The following RELN variants were observed in gnomAD, a reference collection of about 807,000 sequenced individuals.
RELN encodes the protein reelin.
A neutral mutation model predicts 427.6 loss-of-function variants in RELN; 108 were observed. The observed-to-expected ratio is 0.25, with a 90% confidence interval of 0.22 to 0.30. The LOEUF (loss-of-function observed/expected upper bound fraction) is 0.30, where lower values mean the gene tolerates loss of function less well. RELN is among the 10% of genes least tolerant of loss of function. RELN has a pLI of 1.00. For synonymous variants in RELN, 1,524 were observed against 1,513.4 expected (o/e 1.01, Z -0.16); for missense variants, 3,715 against 4,302.8 (o/e 0.86, Z 3.82).
intron 1 of RELN, among the ~76,000 whole-genome samples, chr7:103,985,448 G>A (rs1044013184): frequency 2.6e-5 from 4 of 152,094 alleles, no homozygotes; most frequent in Non-Finnish European, 4.4e-5. Flanking sequence ...TTTACTTAAC[G>A]CTTGTCTTTC....
chr7:103,593,976 C>A, intron 26 of RELN, 94 bp from the exon 27 acceptor site: 1 of 951,700 alleles, frequency 1.1e-6, no homozygotes, highest in Non-Finnish European at 1.6e-6. Flanking sequence ...GGCCATGTAC[C>A]ATTTGCATTT....
chr7:103,661,815 C>T (rs569636210), intron 11 of RELN, among the ~76,000 whole-genome samples: 1 of 152,196 alleles, frequency 6.6e-6, no homozygotes, highest in Non-Finnish European at 1.5e-5. Context: ...ATGCTCCAGA[C>T]TGAGATACTT....
In RELN at chr7:103,472,255, G is replaced by A. The variant is rs1206651324; in HGVS notation, c.*557C>T. 2.5e-5 allele frequency: 4 copies of A among 160,672 alleles called. No homozygotes were observed. Among genetic ancestry groups the A allele is most frequent in the African/African-American group, 9.6e-5 (4 of 41,470 alleles). The allele number at this position is 160,672 out of a possible 1,614,324, so 10.0% of individuals were successfully genotyped here. On this transcript the variant is annotated 3_prime_UTR_variant, in exon 65 of 65. Coordinates refer to ENST00000428762, the MANE Select transcript of RELN (RefSeq NM_005045.4). ...TCTTTACAACTATCTTCTTGAATAGGTATTTCAATTAATTTTCTGCAGAAT... is the reference window on the plus strand; with the variant it reads ...TCTTTACAACTATCTTCTTGAATAGATATTTCAATTAATTTTCTGCAGAAT...
At position 103,553,736 on chromosome 7, in the gene RELN, G is replaced by T. The variant is rs370624724; in HGVS notation, c.5893C>A (p.Pro1965Thr). Residue 1965 changes from proline (P) to threonine (T), a missense_variant, in exon 39 of 65, where the codon CCC (proline) becomes ACC (threonine). Transcript: ENST00000428762. ...TAGAAAAACCAATTGTCTTCTCTGG[G>T]CCCAAAATCAAATGTATCCAAGAGC... ...VMLLDTFDFGPREDNWFFYPG... is the reference protein window; with the variant it reads ...VMLLDTFDFGTREDNWFFYPG... The T allele has an allele frequency of 3.7e-5, 60 of 1,613,940 alleles. No individual in the cohort carries two copies. In the African/African-American group the frequency reaches 6.5e-4, roughly 18 times the overall value.
rs116085505 is a variant in RELN at position 103,586,830 on chromosome 7, T to C, written c.4145+2766A>G. Among the ~76,000 whole-genome samples, 698 of 152,226 alleles carry C rather than the reference T, an allele frequency of 4.6e-3. 4 individuals carry two copies. The highest frequency in any genetic ancestry group is 0.016 in the African/African-American group (664 of 41,526). On this transcript the variant is annotated intron_variant, in intron 28 of 64. Transcript: ENST00000428762. ...CTAGGAATACATTTAACCAAGGAGA[T>C]GGATCATCTCTACAAGGAAAACTAG... is the stretch of plus-strand genomic sequence containing the variant.
At chr7:103,576,828 G>T (rs1042803538) in intron 28 of RELN, among the ~76,000 whole-genome samples, 1 of 152,194 alleles carries the variant, frequency 6.6e-6, no homozygotes, top group African/African-American at 2.4e-5. Flanking sequence ...CTAGTGGGCT[G>T]GGCTACTGCC....
At chr7:103,728,281 G>A (rs1179130104) in intron 6 of RELN, 74 bp from the exon 7 acceptor site, 6 of 1,332,872 alleles carry the variant, frequency 4.5e-6, no homozygotes, top group South Asian at 1.2e-5. Context: ...GGTAAGAAAC[G>A]ATATAATATT....
At chr7:103,735,388 A>G (rs117660949) in intron 6 of RELN, among the ~76,000 whole-genome samples, 154 of 152,226 alleles carry the variant, frequency 1.0e-3, no homozygotes, top group Non-Finnish European at 2.0e-3. Flanking sequence ...ATTATTAGGC[A>G]TGAAAATATG....
At chr7:103,616,346 T>C (rs559560423) in intron 20 of RELN, among the ~76,000 whole-genome samples, 1 of 152,168 alleles carries the variant, frequency 6.6e-6, no homozygotes, top group South Asian at 2.1e-4. Context: ...GATATCATTC[T>C]TTTATTGGTT....
rs1828669957 is a variant in RELN, at chr7:103,491,846, TCTCTCTCTCTCACACACACACACACACA to T, written c.9443+79_9443+106del. On this transcript the variant is annotated intron_variant, in intron 58 of 64. Transcript: ENST00000428762. ...CTGTCTCTCTCTCTCTCTCTCTCTCTCTCTCTCTCTCACACACACACACACACACACACACACACACACACACACAACG... is the reference window on the plus strand; with the variant it reads ...CTGTCTCTCTCTCTCTCTCTCTCTCTCACACACACACACACACACACAACG... The T allele has an allele frequency of 5.6e-5, 34 of 609,894 alleles. No individual in the cohort carries two copies. The African/African-American group carries it at 6.6e-4, about 12-fold the overall frequency. The allele number at this position is 609,894 out of a possible 1,614,324, so 37.8% of individuals were successfully genotyped here.
intron 2 of RELN, among the ~76,000 whole-genome samples, chr7:103,897,496 T>C (rs978383402): frequency 6.6e-6 from 1 of 152,068 alleles, no homozygotes; most frequent in Non-Finnish European, 1.5e-5. Context: ...TTTGAACCTG[T>C]TATTCTCCTA....
In RELN at chr7:103,573,762, GA is replaced by G. The variant is rs1359703704; in HGVS notation, c.4511+329del. ...ATTTCAGACATAGAATGTAAGGTTG[GA>G]AAAATCTTTGTTTCACACGGCACAT... On this transcript the variant is annotated intron_variant, in intron 30 of 64. Transcript: ENST00000428762. This position sits in a 1 kb window ranked among gnomAD's most constrained non-coding sequence, Gnocchi z 4.4. Among the ~76,000 whole-genome samples, 2 of 152,114 alleles carry G rather than the reference GA, an allele frequency of 1.3e-5. No homozygotes were observed. The highest frequency in any genetic ancestry group is 2.9e-5 in the Non-Finnish European group (2 of 68,012).
intron 3 of RELN, among the ~76,000 whole-genome samples, chr7:103,778,352 G>A (rs537428439): frequency 7.9e-5 from 12 of 152,210 alleles, no homozygotes; most frequent in African/African-American, 2.6e-4. Flanking sequence ...CATTTGCTTT[G>A]GAAGGGACAC....
chr7:103,772,212 A>G (rs1791585872), intron 4 of RELN, among the ~76,000 whole-genome samples: 1 of 152,236 alleles, frequency 6.6e-6, no homozygotes, highest in Non-Finnish European at 1.5e-5. Flanking sequence ...TAGAGATTCC[A>G]TAGTAAAAAG....
intron 1 of RELN, among the ~76,000 whole-genome samples, chr7:103,939,054 C>G (rs1055915749): frequency 6.6e-6 from 1 of 151,744 alleles, no homozygotes; most frequent in African/African-American, 2.4e-5. Context: ...TCAAGTGATT[C>G]TCATGCCTCA....
chr7:103,789,085 G>A (rs1468381340), intron 3 of RELN, among the ~76,000 whole-genome samples: 1 of 152,090 alleles, frequency 6.6e-6, no homozygotes, highest in Admixed American at 6.6e-5. Context: ...AACGAGCAAT[G>A]GGGAAAGGAT....
chr7:103,916,209 T>C (rs1440746537), intron 2 of RELN, among the ~76,000 whole-genome samples: 1 of 152,144 alleles, frequency 6.6e-6, no homozygotes, highest in African/African-American at 2.4e-5. Flanking sequence ...GACTTGACAC[T>C]TCATATATCA....
intron 5 of RELN, 146 bp from the exon 6 acceptor site, chr7:103,749,650 C>T: frequency 1.5e-6 from 1 of 676,118 alleles, no homozygotes; most frequent in South Asian, 1.7e-5. Context: ...TTGCTTTGTC[C>T]CTCAAACTAC....
At chr7:103,866,545 A>T (rs924858488) in intron 2 of RELN, among the ~76,000 whole-genome samples, 1 of 152,118 alleles carries the variant, frequency 6.6e-6, no homozygotes, top group Non-Finnish European at 1.5e-5. Context: ...TAAATCATTT[A>T]GGTAATCAAA....
Sources: allele counts gnomAD v4.1 joint callset (sites outside exome capture counted in the v4.1 genomes callset), GRCh38; gene constraint gnomAD v4.1.1; non-coding constraint Gnocchi (gnomAD v3.1); transcripts MANE v1.5; gene names NCBI Gene and HGNC (gene_info 2026-07-23, HGNC 2026-07-21).